NEDD4L: variants seen among roughly 807,000 people sequenced by gnomAD.
NEDD4L encodes the protein NEDD4 like E3 ubiquitin protein ligase.
Under a neutral mutation model 148.9 loss-of-function variants are expected in NEDD4L, and 54 were observed. The ratio of observed to expected loss-of-function variants is 0.36; its 90% CI spans 0.29 to 0.45. The LOEUF (loss-of-function observed/expected upper bound fraction) is 0.45, where lower values mean the gene tolerates loss of function less well. Ranked by LOEUF, NEDD4L falls within the 20% of genes least tolerant of loss-of-function variation. The pLI, the probability that NEDD4L is intolerant of heterozygous loss-of-function variation, is 1.00. For missense variants in NEDD4L, 856 were observed against 1,233.8 expected, an observed-to-expected ratio of 0.69 and a Z score of 4.59; for synonymous variants, 433 against 440.7, an observed-to-expected ratio of 0.98 and a Z score of 0.22.
intron 5 of NEDD4L, among the ~76,000 whole-genome samples, chr18:58,261,072 G>T (rs532432286): frequency 2.6e-5 from 4 of 152,198 alleles, no homozygotes; most frequent in Non-Finnish European, 4.4e-5. Context: ...ACCATTTTTT[G>T]ATCAGTATGG....
Position 58,180,075 on chromosome 18 carries a change from A to G in NEDD4L, c.122+14214A>G, listed in dbSNP as rs1157168095. ...CACCTAGGTATAGAATTCTATCTCTAAGACACAGACAGACCATGTTCCTGC... is the reference window on the plus strand; with the variant it reads ...CACCTAGGTATAGAATTCTATCTCTGAGACACAGACAGACCATGTTCCTGC... On this transcript the variant is annotated intron_variant, in intron 2 of 30. Transcript: ENST00000400345. Among the ~76,000 whole-genome samples, 3 of 152,288 alleles carry G rather than the reference A, an allele frequency of 2.0e-5. No homozygotes were observed. The East Asian group carries it at 5.8e-4, about 29-fold the overall frequency.
intron 5 of NEDD4L, among the ~76,000 whole-genome samples, chr18:58,262,898 G>A (rs946658715): frequency 2.0e-5 from 3 of 152,194 alleles, no homozygotes; most frequent in Non-Finnish European, 4.4e-5. Flanking sequence ...GCATCACCAT[G>A]TTTTGACAGG....
chr18:58,252,051 A>G lies in NEDD4L; in HGVS notation c.294A>G (p.Arg98=), dbSNP rs2148508442. 6.3e-7 allele frequency: 1 copy of G among 1,586,778 alleles called. No homozygotes were observed. The highest frequency in any genetic ancestry group is 8.7e-7 in the Non-Finnish European group (1 of 1,155,140). Residue 98 remains arginine, a synonymous_variant, in exon 5 of 31, where the codon AGA becomes AGG. Transcript: ENST00000400345. ...RLLFEVFDEN[R]LTRDDFLGQV... is the part of the protein sequence containing the mutation. ...TATTTGAAGTATTTGACGAAAATAGACTGGTAAGTGGATGCCTGTATTTGA... is the reference window on the plus strand; with the variant it reads ...TATTTGAAGTATTTGACGAAAATAGGCTGGTAAGTGGATGCCTGTATTTGA...
Position 58,311,847 on chromosome 18 carries a change from A to G in NEDD4L, c.298-4135A>G, listed in dbSNP as rs956342199. Among the ~76,000 whole-genome samples the G allele has an allele frequency of 2.0e-5, 3 of 152,212 alleles. No individual in the cohort carries two copies. The South Asian group carries it at 6.2e-4, about 32-fold the overall frequency. ...CCTAGTGTGCACTCCCATCTGGGGA[A>G]ATGCCCATAGGCTATAATCTCTTTC... On this transcript the variant is annotated intron_variant, in intron 5 of 30. Coordinates refer to ENST00000400345, the MANE Select transcript of NEDD4L (RefSeq NM_001144967.3).
chr18:58,255,669 G>T, intron 5 of NEDD4L: 1 of 1,232,374 alleles, frequency 8.1e-7, no homozygotes, highest in Non-Finnish European at 1.0e-6. Context: ...TTTCATTTTG[G>T]CTCTGGTCGC....
At chr18:58,258,652 A>G (rs910178845) in intron 5 of NEDD4L, among the ~76,000 whole-genome samples, 8 of 152,238 alleles carry the variant, frequency 5.3e-5, no homozygotes, top group African/African-American at 1.9e-4. Context: ...TTGGAGAGTA[A>G]GTTCCAACTA....
intron 1 of NEDD4L, among the ~76,000 whole-genome samples, chr18:58,077,709 C>A (rs1265994160): frequency 6.6e-6 from 1 of 152,194 alleles, no homozygotes; most frequent in Non-Finnish European, 1.5e-5. Flanking sequence ...GGAGCGCTTC[C>A]CGATTACTTC....
chr18:58,178,139 T>A (rs2038393948), intron 2 of NEDD4L, among the ~76,000 whole-genome samples: 1 of 152,166 alleles, frequency 6.6e-6, no homozygotes, highest in Non-Finnish European at 1.5e-5. Flanking sequence ...AGCCATTGAT[T>A]TTCTACAACA....
intron 10 of NEDD4L, among the ~76,000 whole-genome samples, chr18:58,330,177 G>T (rs569842328): frequency 6.6e-6 from 1 of 152,158 alleles, no homozygotes; most frequent in African/African-American, 2.4e-5. Context: ...AGATCATTTA[G>T]AATGCGGCGA....
intron 1 of NEDD4L, among the ~76,000 whole-genome samples, chr18:58,160,511 G>T (rs183585411): frequency 3.3e-5 from 5 of 152,316 alleles, no homozygotes; most frequent in Non-Finnish European, 5.9e-5. Context: ...TTTCTTCTCT[G>T]CATTGTACAG....
At chr18:58,342,808 C>G in intron 15 of NEDD4L, 98 bp from the exon 16 acceptor site, 1 of 892,662 alleles carries the variant, frequency 1.1e-6, no homozygotes, top group Non-Finnish European at 1.6e-6. Flanking sequence ...TCCCTCTTGT[C>G]CATCTCCAAA....
intron 18 of NEDD4L, among the ~76,000 whole-genome samples, chr18:58,354,848 G>A (rs949204594): frequency 4.6e-5 from 7 of 152,210 alleles, no homozygotes; most frequent in Non-Finnish European, 8.8e-5. Flanking sequence ...GAGAGAATGG[G>A]TCACTTTTTA....
chr18:58,364,024 G>C (rs1476498120), intron 19 of NEDD4L, among the ~76,000 whole-genome samples: 1 of 152,162 alleles, frequency 6.6e-6, no homozygotes, highest in African/African-American at 2.4e-5. Context: ...TACCCCAAAT[G>C]GTTTCTCAAA....
In NEDD4L at chr18:58,400,286, AGAACTG is replaced by A. The variant is rs2050769784; in HGVS notation, c.*4018_*4023del. The A allele has an allele frequency of 6.6e-6, 1 of 152,238 alleles. No homozygotes were observed. Among genetic ancestry groups the A allele is most frequent in the Non-Finnish European group, 1.5e-5 (1 of 68,044 alleles). The allele number at this position is 152,238 out of a possible 1,614,324, so 9.4% of individuals were successfully genotyped here. On this transcript the variant is annotated 3_prime_UTR_variant, in exon 31 of 31. Transcript: ENST00000400345. ...GGGGTACATCCTGATAAGTCGTGTCAGAACTGCCAATTTCAGGACTGAGATGTGTTT... is the reference window on the plus strand; with the variant it reads ...GGGGTACATCCTGATAAGTCGTGTCACCAATTTCAGGACTGAGATGTGTTT...
At chr18:58,310,717 A>G (rs960047157) in intron 5 of NEDD4L, among the ~76,000 whole-genome samples, 1 of 152,236 alleles carries the variant, frequency 6.6e-6, no homozygotes, top group African/African-American at 2.4e-5. Flanking sequence ...AGGAAAAGGA[A>G]CATTCTGCCT....
At chr18:58,229,844 G>T (rs2044879302) in intron 2 of NEDD4L, among the ~76,000 whole-genome samples, 1 of 152,046 alleles carries the variant, frequency 6.6e-6, no homozygotes, top group African/African-American at 2.4e-5. Flanking sequence ...ACAAAAATTA[G>T]CTGGGCGTGG....
intron 19 of NEDD4L, among the ~76,000 whole-genome samples, chr18:58,357,893 A>G (rs1370426135): frequency 6.6e-6 from 1 of 152,170 alleles, no homozygotes; most frequent in Non-Finnish European, 1.5e-5. Context: ...TTGGTATCTC[A>G]CACTTGTTAA....
At chr18:58,393,485 T>C (rs949258655) in intron 30 of NEDD4L, among the ~76,000 whole-genome samples, 18 of 152,224 alleles carry the variant, frequency 1.2e-4, no homozygotes, top group African/African-American at 4.3e-4. Context: ...AGCTGGCTCT[T>C]ACCAGAACTT....
chr18:58,332,131 A>G (rs2041066649), intron 11 of NEDD4L, among the ~76,000 whole-genome samples: 1 of 152,258 alleles, frequency 6.6e-6, no homozygotes, highest in Non-Finnish European at 1.5e-5. Context: ...GCAGTAACAC[A>G]CCTTTAGTAA....
Sources: gnomAD v4.1 joint callset for allele counts (sites outside exome capture counted in the v4.1 genomes callset) on GRCh38, gnomAD v4.1.1 for gene constraint, MANE v1.5 for transcripts, NCBI Gene and HGNC (gene_info 2026-07-23, HGNC 2026-07-21) for gene names.